ABCB4: variants seen among roughly 807,000 people sequenced by gnomAD.
The protein encoded by ABCB4 is ATP binding cassette subfamily B member 4, also known as phosphatidylcholine translocator ABCB4.
Under a neutral mutation model 145.7 loss-of-function variants are expected in ABCB4, and 76 were observed. The observed-to-expected ratio is 0.52, with a 90% confidence interval of 0.43 to 0.63. ABCB4 has a LOEUF of 0.63. Among genes scored for constraint, ABCB4 ranks in the 30% least tolerant of loss-of-function variants. The pLI is 0.00. For synonymous variants in ABCB4, 517 were observed against 566.8 expected (o/e 0.91, Z 1.25); for missense variants, 1,234 against 1,553.1 (o/e 0.79, Z 3.45).
In ABCB4 at chr7:87,451,757, C is replaced by T; in HGVS notation, c.574G>A (p.Val192Ile). ...GCTACTGCTTGAAAGAACATTCCAA[C>T]CTTGTCACCAATTCCTTCACTGATT... is the stretch of plus-strand genomic sequence containing the variant. ...SKISEGIGDK[V>I]GMFFQAVATF... Residue 192 changes from valine to isoleucine, a missense_variant, in exon 7 of 28, where the codon GTT becomes ATT. Around this residue, in one of 7 missense-constraint regions of ABCB4, gnomAD observed 467 missense variants for 632.8 expected, o/e 0.74. Coordinates refer to ENST00000649586, the MANE Select transcript of ABCB4 (RefSeq NM_000443.4). 1 of 1,614,118 alleles carries T rather than the reference C, an allele frequency of 6.2e-7. No individual in the cohort carries two copies. Among genetic ancestry groups the T allele is most frequent in the Non-Finnish European group, 8.5e-7 (1 of 1,180,018 alleles).
rs573354118 is a variant in ABCB4 at position 87,416,387 on chromosome 7, G to C, written c.2682+925C>G. Among the ~76,000 whole-genome samples the C allele has an allele frequency of 3.9e-5, 6 of 152,246 alleles. No homozygotes were observed. In the East Asian group the frequency reaches 1.2e-3, roughly 29 times the overall value. On this transcript the variant is annotated intron_variant, in intron 21 of 27. Transcript: ENST00000649586. ...GTTCCACTTCTCATAACTAGTTAAG[G>C]TCAGTTGCAGTAATGCTTGTAAAAG...
At chr7:87,394,832 T>C in the ABCB4 span, among the ~76,000 whole-genome samples, 2 of 152,262 alleles carry the variant, frequency 1.3e-5, no homozygotes, top group African/African-American at 4.8e-5. Context: ...AAGGATAGTT[T>C]GATAATTTTA....
chr7:87,410,268 G>C (rs940310062), intron 23 of ABCB4, among the ~76,000 whole-genome samples: 1 of 152,126 alleles, frequency 6.6e-6, no homozygotes, highest in African/African-American at 2.4e-5. Context: ...AAAGGAGTGG[G>C]AGTTCTCTAC....
At chr7:87,372,763 G>A in the ABCB4 span, among the ~76,000 whole-genome samples, 27 of 152,148 alleles carry the variant, frequency 1.8e-4, 1 homozygote, top group South Asian at 1.7e-3. Context: ...AGGTTCATCC[G>A]TGTTTTAGCA....
the ABCB4 span, chr7:87,382,378 A>AT: frequency 1.8e-5 from 29 of 1,600,548 alleles, no homozygotes; most frequent in Non-Finnish European, 8.5e-7. Flanking sequence ...TCCTTAGGTG[A>AT]TTTTTCACCG....
chr7:87,434,586 A>G (rs1368785197), intron 14 of ABCB4, among the ~76,000 whole-genome samples: 3 of 152,080 alleles, frequency 2.0e-5, no homozygotes, highest in East Asian at 1.9e-4. Context: ...CATCTCTACT[A>G]AAAATACAGA....
chr7:87,426,634 G>T, intron 16 of ABCB4, 116 bp downstream of exon 16: 2 of 1,037,950 alleles, frequency 1.9e-6, no homozygotes, highest in Non-Finnish European at 2.9e-6. Context: ...TTTACAAAGA[G>T]TATGGCTCAT....
downstream of ABCB4, chr7:87,398,440 C>A: frequency 6.8e-7 from 1 of 1,477,576 alleles, no homozygotes; most frequent in Non-Finnish European, 9.4e-7. Flanking sequence ...TATGAATATC[C>A]AGATGAAATA....
intron 21 of ABCB4, 94 bp downstream of exon 21, chr7:87,417,218 A>G (rs1409671014): frequency 8.3e-7 from 1 of 1,201,484 alleles, no homozygotes; most frequent in African/African-American, 1.5e-5. Context: ...ACAAACATTT[A>G]ATTATTAAAG....
chr7:87,414,506 A>G (rs1808836420), intron 21 of ABCB4, among the ~76,000 whole-genome samples: 1 of 152,202 alleles, frequency 6.6e-6, no homozygotes, highest in Admixed American at 6.5e-5. Flanking sequence ...GCTTTTACCC[A>G]AACCAGCCAG....
chr7:87,405,183 T>C (rs1808093717), intron 26 of ABCB4, among the ~76,000 whole-genome samples: 1 of 152,158 alleles, frequency 6.6e-6, no homozygotes, highest in Non-Finnish European at 1.5e-5. Flanking sequence ...CACTCAGTAA[T>C]AAAAAGCAAT....
At chr7:87,423,878 G>A in intron 17 of ABCB4, 28 bp downstream of exon 17, 1 of 1,613,828 alleles carries the variant, frequency 6.2e-7, no homozygotes, top group Non-Finnish European at 8.5e-7. Flanking sequence ...ATCTAATTCA[G>A]GCTGTTATGT....
chr7:87,417,280 C>CT, intron 21 of ABCB4, 32 bp downstream of exon 21: 1 of 1,603,166 alleles, frequency 6.2e-7, no homozygotes, highest in African/African-American at 1.3e-5. Context: ...AAAAACAACA[C>CT]TTAACACCAA....
At chr7:87,392,824 G>C in the ABCB4 span, 1 of 1,612,638 alleles carries the variant, frequency 6.2e-7, no homozygotes, top group Non-Finnish European at 8.5e-7. Flanking sequence ...TTTCCAAAAG[G>C]TAATATAGTG....
intron 3 of ABCB4, among the ~76,000 whole-genome samples, chr7:87,468,080 C>A (rs1236714003): frequency 6.6e-6 from 1 of 152,116 alleles, no homozygotes; most frequent in Non-Finnish European, 1.5e-5. Context: ...ACATAAAAAA[C>A]CCTTCAAAAA....
intron 21 of ABCB4, among the ~76,000 whole-genome samples, chr7:87,415,718 AC>A (rs528040442): frequency 8.1e-4 from 123 of 152,322 alleles, no homozygotes; most frequent in Non-Finnish European, 1.4e-3. Flanking sequence ...GAATAGCAAG[AC>A]CAAAGCTAAT....
the ABCB4 span, among the ~76,000 whole-genome samples, chr7:87,372,932 C>T: frequency 1.1e-3 from 160 of 152,052 alleles, 1 homozygote; most frequent in African/African-American, 3.6e-3. Flanking sequence ...ATAATGCTGC[C>T]GTGACTATTG....
intron 4 of ABCB4, among the ~76,000 whole-genome samples, chr7:87,459,231 T>C (rs571998798): frequency 6.6e-6 from 1 of 152,306 alleles, no homozygotes; most frequent in Admixed American, 6.5e-5. Context: ...CACACTGTTG[T>C]CCAGCCAACC....
chr7:87,465,999 C>A (rs1812867802), intron 3 of ABCB4, among the ~76,000 whole-genome samples: 1 of 152,198 alleles, frequency 6.6e-6, no homozygotes, highest in Admixed American at 6.5e-5. Context: ...CGCCTCTCCT[C>A]CTCCAAAGGA....
Sources: gnomAD v4.1 joint callset for allele counts (sites outside exome capture counted in the v4.1 genomes callset) on GRCh38, gnomAD v4.1.1 for gene constraint, gnomAD v4.1.1 regional missense constraint, MANE v1.5 for transcripts, NCBI Gene and HGNC (gene_info 2026-07-23, HGNC 2026-07-21) for gene names.